The following QKI variants were observed in gnomAD, a reference collection of about 807,000 sequenced individuals.
QKI encodes the protein QKI, KH domain containing RNA binding.
QKI carries 10 observed loss-of-function variants against 39.0 expected under a neutral mutation model. That is an observed-to-expected ratio of 0.26 (90% CI 0.16 to 0.43). QKI has a LOEUF of 0.43. Ranked by LOEUF, QKI falls within the 20% of genes least tolerant of loss-of-function variation. QKI has a pLI of 1.00. For missense variants in QKI, 218 were observed against 428.0 expected, an observed-to-expected ratio of 0.51 and a Z score of 4.33; for synonymous variants, 204 against 155.4, an observed-to-expected ratio of 1.31 and a Z score of -2.33.
Position 163,571,527 on chromosome 6 carries a change from T to G in QKI, c.*817T>G, listed in dbSNP as rs1237634684. 1 of 151,972 alleles carries G rather than the reference T, an allele frequency of 6.6e-6. No individual in the cohort carries two copies. The highest frequency in any genetic ancestry group is 1.5e-5 in the Non-Finnish European group (1 of 67,968). The allele number at this position is 151,972 out of a possible 1,614,324, so 9.4% of individuals were successfully genotyped here. On this transcript the variant is annotated 3_prime_UTR_variant, in exon 8 of 8. Coordinates refer to ENST00000361752, the MANE Select transcript of QKI (RefSeq NM_006775.3). ...GTATTTTTTTTTAAACCTCCCTGTA[T>G]AGAAAAAAATCATTAAGGATGTAAA...
At position 163,451,984 on chromosome 6, in the gene QKI, G is replaced by T. The variant is rs565013006; in HGVS notation, c.143-3295G>T. Among the ~76,000 whole-genome samples the T allele has an allele frequency of 3.3e-5, 5 of 152,258 alleles. No individual in the cohort carries two copies. In the South Asian group the frequency reaches 1.0e-3, roughly 32 times the overall value. On this transcript the variant is annotated intron_variant, in intron 1 of 7. Coordinates refer to ENST00000361752, the MANE Select transcript of QKI (RefSeq NM_006775.3). ...CGACTTACAAATGGAAAGTTTTAAA[G>T]ACAAAACTTTTAAAAACAGGATTAT...
chr6:163,454,322 A>G (rs1031216318), intron 1 of QKI, among the ~76,000 whole-genome samples: 9 of 152,168 alleles, frequency 5.9e-5, no homozygotes, highest in South Asian at 2.1e-4. Flanking sequence ...AAAAATGTCT[A>G]TGTATATCCA....
chr6:163,461,364 G>C (rs530456241), intron 2 of QKI, among the ~76,000 whole-genome samples: 5 of 152,078 alleles, frequency 3.3e-5, no homozygotes, highest in Non-Finnish European at 7.4e-5. Context: ...AAATAATAAG[G>C]CCTCTCTGAG....
rs1783741817 is a variant in QKI at position 163,572,405 on chromosome 6, C to CAGATAA, written c.*1696_*1701dup. 6.6e-6 allele frequency: 1 copy of CAGATAA among 152,090 alleles called. No individual in the cohort carries two copies. Among genetic ancestry groups the CAGATAA allele is most frequent in the Non-Finnish European group, 1.5e-5 (1 of 68,020 alleles). The allele number at this position is 152,090 out of a possible 1,614,324, so 9.4% of individuals were successfully genotyped here. A position where few individuals can be genotyped will look rare whatever the true frequency, so the allele number is the denominator to read the frequency against. Reference sequence around the variant, plus strand: ...TTAATCACATGTCTTTATATCATACCAGATAACTGGTGTAGTGTATCCTTT... The same window carrying CAGATAA: ...TTAATCACATGTCTTTATATCATACCAGATAAAGATAACTGGTGTAGTGTATCCTTT... On this transcript the variant is annotated 3_prime_UTR_variant, in exon 8 of 8. Coordinates refer to ENST00000361752, the MANE Select transcript of QKI (RefSeq NM_006775.3).
intron 1 of QKI, among the ~76,000 whole-genome samples, chr6:163,450,214 C>T (rs909523228): frequency 1.3e-5 from 2 of 151,996 alleles, no homozygotes; most frequent in Admixed American, 1.3e-4. Context: ...CCTGCCACCA[C>T]ACCTGGCCAA....
intron 3 of QKI, among the ~76,000 whole-genome samples, chr6:163,499,899 T>G (rs1683814332): frequency 6.6e-6 from 1 of 152,118 alleles, no homozygotes; most frequent in African/African-American, 2.4e-5. Flanking sequence ...ATAAGTGCCA[T>G]GAAAATTATA....
At chr6:163,540,448 A>G (rs1781441284) in intron 4 of QKI, among the ~76,000 whole-genome samples, 1 of 152,162 alleles carries the variant, frequency 6.6e-6, no homozygotes, top group Admixed American at 6.6e-5. Context: ...TTTACATGTA[A>G]CTAAATGTTT....
At position 163,439,340 on chromosome 6, in the gene QKI, GT is replaced by G. The variant is rs573449244; in HGVS notation, c.143-15925del. Among the ~76,000 whole-genome samples, 392 of 107,710 alleles carry G rather than the reference GT, an allele frequency of 3.6e-3. 6 individuals are homozygous for G. Among genetic ancestry groups the G allele is most frequent in the African/African-American group, 0.011 (333 of 28,988 alleles). 70.7% of individuals were successfully genotyped at this position (107,710 alleles called of 152,430 possible). On this transcript the variant is annotated intron_variant, in intron 1 of 7. Transcript: ENST00000361752. Reference sequence around the variant, plus strand: ...GAATAATCCTTCGTGGTTTTTTTTTGTTTTTTTTTTTTTTCGGGGGGGTGGG... The same window carrying G: ...GAATAATCCTTCGTGGTTTTTTTTTGTTTTTTTTTTTTTCGGGGGGGTGGG...
chr6:163,531,926 T>A (rs1158453716), intron 3 of QKI, among the ~76,000 whole-genome samples: 1 of 152,244 alleles, frequency 6.6e-6, no homozygotes, highest in East Asian at 1.9e-4. Flanking sequence ...TTTTTAAAAG[T>A]GTAAGCAAAA....
intron 3 of QKI, among the ~76,000 whole-genome samples, chr6:163,509,923 T>G (rs752253753): frequency 2.0e-5 from 3 of 152,038 alleles, no homozygotes; most frequent in Non-Finnish European, 2.9e-5. Flanking sequence ...GATTAAAAAT[T>G]AAAAGCAAGG....
intron 1 of QKI, among the ~76,000 whole-genome samples, chr6:163,417,730 C>A (rs574399433): frequency 6.6e-6 from 1 of 152,150 alleles, no homozygotes; most frequent in African/African-American, 2.4e-5. Context: ...TACTCCATCT[C>A]TTGTCTTGCT....
At chr6:163,514,500 A>G (rs1425034254) in intron 3 of QKI, among the ~76,000 whole-genome samples, 2 of 152,168 alleles carry the variant, frequency 1.3e-5, no homozygotes, top group East Asian at 1.9e-4. Flanking sequence ...GCCCATTGGT[A>G]GTTGGGACAG....
intron 1 of QKI, among the ~76,000 whole-genome samples, chr6:163,435,717 C>G (rs1440254713): frequency 6.6e-6 from 1 of 152,066 alleles, no homozygotes. Flanking sequence ...CGTTTCTAGT[C>G]ATATGCCGTG....
chr6:163,569,836 G>C, intron 7 of QKI: 1 of 985,642 alleles, frequency 1.0e-6, no homozygotes, highest in Non-Finnish European at 1.2e-6. Context: ...TGCCTTATTG[G>C]TATCAATTAG....
At chr6:163,454,316 A>AG (rs1224809654) in intron 1 of QKI, among the ~76,000 whole-genome samples, 1 of 152,176 alleles carries the variant, frequency 6.6e-6, no homozygotes, top group African/African-American at 2.4e-5. Flanking sequence ...TTTAAAAAAA[A>AG]TGTCTATGTA....
At chr6:163,455,606 G>A (rs1420381491) in intron 2 of QKI, among the ~76,000 whole-genome samples, 185 bp downstream of exon 2, 1 of 152,166 alleles carries the variant, frequency 6.6e-6, no homozygotes, top group East Asian at 1.9e-4. Flanking sequence ...GCATTTGATT[G>A]CTGCTATGTC....
intron 4 of QKI, among the ~76,000 whole-genome samples, chr6:163,544,788 T>G (rs1282009789): frequency 6.6e-6 from 1 of 152,098 alleles, no homozygotes; most frequent in Non-Finnish European, 1.5e-5. Context: ...GATGCGTCTT[T>G]CAAAAATGTT....
At chr6:163,419,407 G>A (rs1434888909) in intron 1 of QKI, among the ~76,000 whole-genome samples, 13 of 151,942 alleles carry the variant, frequency 8.6e-5, no homozygotes, top group African/African-American at 2.9e-4. Context: ...TTACAAAAAG[G>A]TTTTCTTTTT....
At chr6:163,482,857 C>T (rs934923195) in intron 3 of QKI, among the ~76,000 whole-genome samples, 1 of 152,116 alleles carries the variant, frequency 6.6e-6, no homozygotes, top group Non-Finnish European at 1.5e-5. Flanking sequence ...TCATCATTGG[C>T]CATTGGTGAT....
Sources: gnomAD v4.1 joint callset for allele counts (sites outside exome capture counted in the v4.1 genomes callset) on GRCh38, gnomAD v4.1.1 for gene constraint, MANE v1.5 for transcripts, NCBI Gene and HGNC (gene_info 2026-07-23, HGNC 2026-07-21) for gene names.